The following CDH18 variants were observed in gnomAD, a reference collection of about 807,000 sequenced individuals.
CDH18 encodes cadherin 18, also known as cadherin-18.
A neutral mutation model predicts 67.9 loss-of-function variants in CDH18; 31 were observed. That is an observed-to-expected ratio of 0.46 (90% CI 0.34 to 0.62). CDH18 has a LOEUF of 0.62. Among genes scored for constraint, CDH18 ranks in the 20% least tolerant of loss-of-function variants. The pLI, the probability that CDH18 is intolerant of heterozygous loss-of-function variation, is 0.01. For synonymous variants in CDH18, 362 were observed against 347.2 expected, an observed-to-expected ratio of 1.04 and a Z score of -0.48; for missense variants, 890 against 975.5, an observed-to-expected ratio of 0.91 and a Z score of 1.17.
intron 5 of CDH18, among the ~76,000 whole-genome samples, chr5:19,674,494 A>G (rs890022879): frequency 6.6e-6 from 1 of 152,086 alleles, no homozygotes; most frequent in Admixed American, 6.6e-5. Flanking sequence ...TATTATTTGT[A>G]CCTGCTTGTC....
chr5:20,043,452 C>G (rs1236287895), intron 2 of CDH18, among the ~76,000 whole-genome samples: 1 of 152,148 alleles, frequency 6.6e-6, no homozygotes, highest in African/African-American at 2.4e-5. Flanking sequence ...GGCTCCACAC[C>G]AGGCCATAGA....
intron 5 of CDH18, among the ~76,000 whole-genome samples, chr5:19,625,927 C>T (rs1417905968): frequency 6.6e-6 from 1 of 152,140 alleles, no homozygotes; most frequent in Non-Finnish European, 1.5e-5. Flanking sequence ...CCCTTTTCTT[C>T]CTTTTCACTC....
intron 2 of CDH18, among the ~76,000 whole-genome samples, chr5:20,049,915 A>G (rs1561747963): frequency 6.6e-6 from 1 of 151,810 alleles, no homozygotes. Context: ...AGAAATAAGA[A>G]AAACAAACTT....
intron 5 of CDH18, among the ~76,000 whole-genome samples, chr5:19,716,287 A>G (rs1581027820): frequency 6.6e-6 from 1 of 152,174 alleles, no homozygotes; most frequent in Non-Finnish European, 1.5e-5. Flanking sequence ...CAATTTATTA[A>G]GCAACTAAGT....
intron 5 of CDH18, among the ~76,000 whole-genome samples, chr5:19,685,143 T>C (rs1247957270): frequency 6.6e-6 from 1 of 152,182 alleles, no homozygotes; most frequent in African/African-American, 2.4e-5. Flanking sequence ...GAAGCAGATA[T>C]TTATACTACG....
intron 1 of CDH18, among the ~76,000 whole-genome samples, chr5:20,554,012 T>G (rs1757776267): frequency 6.6e-6 from 1 of 152,206 alleles, no homozygotes; most frequent in Admixed American, 6.5e-5. Flanking sequence ...TGAACTAACA[T>G]TAGGACTCTA....
chr5:20,295,271 C>T (rs1416815091), intron 1 of CDH18, among the ~76,000 whole-genome samples: 1 of 152,286 alleles, frequency 6.6e-6, no homozygotes, highest in African/African-American at 2.4e-5. Context: ...ACCTTCACAT[C>T]TCTGGGAGCC....
intron 2 of CDH18, among the ~76,000 whole-genome samples, chr5:20,148,333 G>A (rs1018241872): frequency 1.9e-4 from 29 of 151,980 alleles, no homozygotes; most frequent in African/African-American, 6.5e-4. Context: ...TCCTGACCTC[G>A]TGATCCGCCC....
chr5:20,076,984 A>T (rs1273518796), intron 2 of CDH18, among the ~76,000 whole-genome samples: 1 of 152,222 alleles, frequency 6.6e-6, no homozygotes, highest in East Asian at 1.9e-4. Context: ...GGTTAGCAAG[A>T]TCTGCCAAAT....
At chr5:19,926,013 C>T (rs539044222) in intron 2 of CDH18, among the ~76,000 whole-genome samples, 1 of 152,100 alleles carries the variant, frequency 6.6e-6, no homozygotes, top group South Asian at 2.1e-4. Flanking sequence ...GGAATAGTAT[C>T]AACTTTTTTT....
At chr5:19,563,914 G>A (rs942505422) in intron 8 of CDH18, among the ~76,000 whole-genome samples, 1 of 152,148 alleles carries the variant, frequency 6.6e-6, no homozygotes, top group African/African-American at 2.4e-5. Context: ...TGTGCACTTT[G>A]GGGAGGGAGA....
chr5:20,029,156 A>G (rs1739169867), intron 2 of CDH18, among the ~76,000 whole-genome samples: 1 of 152,140 alleles, frequency 6.6e-6, no homozygotes, highest in South Asian at 2.1e-4. Flanking sequence ...CAGCATTTAA[A>G]CATCTCAATT....
intron 1 of CDH18, among the ~76,000 whole-genome samples, chr5:20,356,040 T>C (rs1226012132): frequency 6.6e-6 from 1 of 152,216 alleles, no homozygotes; most frequent in African/African-American, 2.4e-5. Context: ...TCAGTACATT[T>C]ATTTTCGATC....
chr5:19,520,752 T>A lies in CDH18; in HGVS notation c.1417A>T (p.Thr473Ser). ...IDNPDLLSHV[T>S]VGIRVLDVND... is the part of the protein sequence containing the mutation. ...ACATCCAGAACTCTAATACCCACTGTGACATGGCTCAGCAAATCAGGATTA... is the reference window on the plus strand; with the variant it reads ...ACATCCAGAACTCTAATACCCACTGAGACATGGCTCAGCAAATCAGGATTA... The change falls in exon 10 of 13, where the codon ACA (threonine) becomes TCA (serine). Residue 473 changes from threonine to serine, a missense_variant. Thr to Ser is a moderately conservative substitution (Grantham distance 58). Transcript: ENST00000382275. 1.9e-6 allele frequency: 3 copies of A among 1,613,390 alleles called. No homozygotes were observed. Among genetic ancestry groups the A allele is most frequent in the Non-Finnish European group, 2.5e-6 (3 of 1,179,568 alleles).
intron 5 of CDH18, among the ~76,000 whole-genome samples, chr5:19,686,600 C>T (rs1414794387): frequency 6.6e-6 from 1 of 152,056 alleles, no homozygotes; most frequent in Non-Finnish European, 1.5e-5. Flanking sequence ...TCTGTGTTCA[C>T]CTAGTGTTTC....
At chr5:19,688,128 A>G (rs1219169328) in intron 5 of CDH18, among the ~76,000 whole-genome samples, 1 of 152,112 alleles carries the variant, frequency 6.6e-6, no homozygotes. Context: ...CACCACCATT[A>G]CTGCCATCAC....
intron 1 of CDH18, among the ~76,000 whole-genome samples, chr5:20,275,538 T>C (rs771230322): frequency 1.8e-4 from 28 of 152,180 alleles, no homozygotes; most frequent in Admixed American, 1.3e-4. Context: ...TTAACAGTTG[T>C]ATCACACAAG....
chr5:20,566,818 G>GA, intron 1 of CDH18, among the ~76,000 whole-genome samples: 1 of 152,126 alleles, frequency 6.6e-6, no homozygotes, highest in East Asian at 1.9e-4. Context: ...AACAAAGAGT[G>GA]AAAGACAGTT....
chr5:19,565,535 T>C (rs1301026834), intron 8 of CDH18, among the ~76,000 whole-genome samples: 1 of 152,200 alleles, frequency 6.6e-6, no homozygotes, highest in Non-Finnish European at 1.5e-5. Flanking sequence ...GACCAAAGAC[T>C]TAGATAATAA....
Sources: allele counts gnomAD v4.1 joint callset (sites outside exome capture counted in the v4.1 genomes callset), GRCh38; gene constraint gnomAD v4.1.1; transcripts MANE v1.5; gene names NCBI Gene and HGNC (gene_info 2026-07-23, HGNC 2026-07-21).